The following CENATAC variants were observed in gnomAD, a reference collection of about 807,000 sequenced individuals.
The protein encoded by CENATAC is centrosomal AT-AC splicing factor.
In CENATAC, 53 loss-of-function variants were observed where a neutral mutation model predicts 53.7. That is an observed-to-expected ratio of 0.99 (90% confidence interval 0.79 to 1.24). The LOEUF (loss-of-function observed/expected upper bound fraction) is 1.24. CENATAC is among the 50% of genes most tolerant of loss of function. The probability of loss-of-function intolerance (pLI) is 0.00; values close to 1 mark genes in which losing one functional copy is unlikely to be tolerated. For synonymous variants in CENATAC, 156 were observed against 144.6 expected (o/e 1.08, Z -0.57); for missense variants, 474 against 417.8 (o/e 1.13, Z -1.17).
At chr11:119,012,832 T>C (rs1251629059) in intron 7 of CENATAC, 7 of 177,042 alleles carry the variant, frequency 4.0e-5, no homozygotes, top group Admixed American at 3.6e-4. Flanking sequence ...AGCTCAAATG[T>C]CACTTTTTCA....
At position 119,015,190 on chromosome 11, in the gene CENATAC, C is replaced by T. The variant is rs554601878; in HGVS notation, c.805+107C>T. 2.8e-6 allele frequency: 4 copies of T among 1,444,986 alleles called. No homozygotes were observed. The South Asian group carries it at 3.8e-5, about 14-fold the overall frequency. 89.5% of individuals were successfully genotyped at this position (1,444,986 alleles called of 1,614,324 possible). ...GCTATAATCCTAGCATTTTGGGAGG[C>T]TGAGGTGGGAGGGTCACTTGAGCCC... On this transcript the variant is annotated intron_variant, in intron 9 of 10. Coordinates refer to ENST00000334418, the MANE Select transcript of CENATAC (RefSeq NM_198489.3).
At chr11:119,011,137 T>G in intron 4 of CENATAC, 84 bp from the exon 5 acceptor site, 1 of 1,195,930 alleles carries the variant, frequency 8.4e-7, no homozygotes, top group Non-Finnish European at 1.2e-6. Flanking sequence ...CGCCTGGGGG[T>G]GGAGGGCCCA....
chr11:119,003,171 A>G, intron 3 of CENATAC: 1 of 375,046 alleles, frequency 2.7e-6, no homozygotes. Context: ...CACAGTGAAC[A>G]CAAGTGCGTG....
At chr11:119,013,299 A>AT (rs371143734) in intron 8 of CENATAC, 37 bp downstream of exon 8, 83,471 of 1,296,896 alleles carry the variant, frequency 0.064, 2 homozygotes, top group South Asian at 0.072. Context: ...ACCCTGGGAG[A>AT]TTTTTTTTTT....
chr11:119,000,432 A>C (rs1942233799), intron 3 of CENATAC, among the ~76,000 whole-genome samples: 1 of 138,436 alleles, frequency 7.2e-6, no homozygotes, highest in Non-Finnish European at 1.5e-5. Flanking sequence ...AGCTTCATGA[A>C]TTTCCTTTTT....
chr11:119,013,618 T>C (rs1219310023), intron 8 of CENATAC, among the ~76,000 whole-genome samples: 3 of 151,876 alleles, frequency 2.0e-5, no homozygotes, highest in African/African-American at 4.8e-5. Flanking sequence ...CGCCCGCCAC[T>C]ACGCCCAGCT....
At position 119,013,171 on chromosome 11, in the gene CENATAC, T is replaced by A. The variant is rs1179077161; in HGVS notation, c.685-61T>A. ...TGTGCTTTGTCTATCGTTTCTAGGA[T>A]TTTTTTTTTTAATCATGCCTAGACT... On this transcript the variant is annotated intron_variant, in intron 7 of 10. Transcript: ENST00000334418. The A allele has an allele frequency of 4.0e-5, 28 of 703,140 alleles. No homozygotes were observed. The Admixed American group carries it at 9.5e-4, about 24-fold the overall frequency. 43.6% of individuals were successfully genotyped at this position (703,140 alleles called of 1,614,324 possible).
In CENATAC at chr11:119,015,710, C is replaced by A; in HGVS notation, c.*112C>A. The A allele has an allele frequency of 1.5e-6, 2 of 1,298,378 alleles. No individual in the cohort carries two copies. Among genetic ancestry groups the A allele is most frequent in the Non-Finnish European group, 2.2e-6 (2 of 912,020 alleles). 80.4% of individuals were successfully genotyped at this position (1,298,378 alleles called of 1,614,324 possible). ...TTCTTAGGAAACAGACATACTCATT[C>A]ATTTGATTTAATAAAGTTTTATTTT... On this transcript the variant is annotated 3_prime_UTR_variant, in exon 11 of 11. Transcript: ENST00000334418.
In CENATAC at chr11:118,999,123, A is replaced by G. The variant is rs61902079; in HGVS notation, c.383+14A>G. On this transcript the variant is annotated intron_variant, in intron 3 of 10. Coordinates refer to ENST00000334418, the MANE Select transcript of CENATAC (RefSeq NM_198489.3). Reference sequence around the variant, plus strand: ...GGATTATGCGCGGTGAGTCACTGGTATGGAACGTGAAGTAGCAGAGTGAAT... The same window carrying G: ...GGATTATGCGCGGTGAGTCACTGGTGTGGAACGTGAAGTAGCAGAGTGAAT... 0.014 allele frequency: 22,181 copies of G among 1,578,518 alleles called. 181 individuals are homozygous for G. Among genetic ancestry groups the G allele is most frequent in the Middle Eastern group, 0.029 (177 of 6,000 alleles).
intron 7 of CENATAC, chr11:119,012,995 C>T (rs879902654): frequency 3.2e-5 from 14 of 441,198 alleles, no homozygotes; most frequent in Non-Finnish European, 5.3e-5. Context: ...CATGTAATAG[C>T]CACTCTACTT....
intron 3 of CENATAC, chr11:119,001,617 T>C (rs926608758): frequency 3.9e-5 from 18 of 455,744 alleles, no homozygotes; most frequent in Admixed American, 1.2e-4. Flanking sequence ...TTCTAGGCTA[T>C]GTGGTTCATC....
chr11:119,013,207 C>CT (rs782736448), intron 7 of CENATAC, 25 bp from the exon 8 acceptor site: 13 of 1,590,606 alleles, frequency 8.2e-6, no homozygotes, highest in Middle Eastern at 3.3e-4. Context: ...TTAACTAGCA[C>CT]TTTTTTTCCC....
chr11:119,006,742 A>C (rs923242355), intron 3 of CENATAC, among the ~76,000 whole-genome samples: 1 of 152,148 alleles, frequency 6.6e-6, no homozygotes, highest in Non-Finnish European at 1.5e-5. Context: ...TCCCCACCCA[A>C]ATTTTTTTGA....
chr11:119,013,082 G>T, intron 7 of CENATAC, 150 bp from the exon 8 acceptor site: 1 of 609,732 alleles, frequency 1.6e-6, no homozygotes, highest in Non-Finnish European at 2.9e-6. Context: ...TGCTTTCAAA[G>T]TTTAACATCA....
chr11:119,001,904 G>A (rs143584025), intron 3 of CENATAC: 17 of 241,526 alleles, frequency 7.0e-5, no homozygotes, highest in African/African-American at 2.9e-4. Flanking sequence ...AAAGAAATAC[G>A]AATTTTTTTT....
In CENATAC at chr11:119,015,434, G is replaced by C. The variant is rs1296094282; in HGVS notation, c.933G>C (p.Gln311His). The C allele has an allele frequency of 6.2e-7, 1 of 1,614,088 alleles. No homozygotes were observed. The highest frequency in any genetic ancestry group is 8.5e-7 in the Non-Finnish European group (1 of 1,179,938). Residue 311 changes from glutamine (Q) to histidine (H), a missense_variant, in exon 10 of 11, where the codon CAG becomes CAC. Coordinates refer to ENST00000334418, the MANE Select transcript of CENATAC (RefSeq NM_198489.3). ...GRVWNNGRRW[Q>H]SRHQFKTEAA... is the part of the protein sequence containing the mutation. Reference sequence around the variant, plus strand: ...TCTGGAATAATGGACGCCGCTGGCAGTCCAGGTATGTGTGTTCAGTGCCGG... The same window carrying C: ...TCTGGAATAATGGACGCCGCTGGCACTCCAGGTATGTGTGTTCAGTGCCGG...
Position 119,015,546 on chromosome 11 carries a change from T to C in CENATAC, c.947T>C (p.Phe316Ser). The C allele has an allele frequency of 6.2e-7, 1 of 1,614,104 alleles. No individual in the cohort carries two copies. The highest frequency in any genetic ancestry group is 8.5e-7 in the Non-Finnish European group (1 of 1,180,012). ...NGRRWQSRHQ[F>S]KTEAAAMKKQ... ...CCTTTATTTCCTTTCAGACATCAAT[T>C]CAAAACTGAAGCTGCAGCAATGAAG... Residue 316 changes from phenylalanine (F) to serine (S), a missense_variant, in exon 11 of 11, where the codon TTC (phenylalanine) becomes TCC (serine). By Grantham distance (155) the Phe-to-Ser change is radical. Transcript: ENST00000334418.
chr11:119,011,781 T>C (rs1486273683), intron 5 of CENATAC, among the ~76,000 whole-genome samples, 158 bp from the exon 6 acceptor site: 2 of 139,606 alleles, frequency 1.4e-5, no homozygotes, highest in Non-Finnish European at 1.6e-5. Context: ...TGGACAGGAC[T>C]GGGAGGGAGG....
At chr11:119,011,194 C>T (rs782602226) in intron 4 of CENATAC, 27 bp from the exon 5 acceptor site, 1 of 1,604,026 alleles carries the variant, frequency 6.2e-7, no homozygotes, top group East Asian at 2.2e-5. Context: ...TGATCCTGTA[C>T]CTGTCTAAGC....
Sources: allele counts gnomAD v4.1 joint callset (sites outside exome capture counted in the v4.1 genomes callset), GRCh38; gene constraint gnomAD v4.1.1; transcripts MANE v1.5; gene names NCBI Gene and HGNC (gene_info 2026-07-23, HGNC 2026-07-21).